The following RPLP0 variants were observed in gnomAD, a reference collection of about 807,000 sequenced individuals.
RPLP0 encodes the protein large ribosomal subunit protein uL10.
For synonymous variants in RPLP0, 137 were observed against 153.4 expected, an observed-to-expected ratio of 0.89 and a Z score of 0.79; for missense variants, 276 against 402.9, an observed-to-expected ratio of 0.69 and a Z score of 2.70.
rs138059335 is a variant in RPLP0 at position 120,196,834 on chromosome 12, A to G, written c.893T>C (p.Val298Ala). 3 of 1,608,664 alleles carry G rather than the reference A, an allele frequency of 1.9e-6. No homozygotes were observed. Among genetic ancestry groups the G allele is most frequent in the East Asian group, 2.2e-5 (1 of 44,708 alleles). Residue 298 changes from valine to alanine, a missense_variant, in exon 8 of 8, where the codon GTT becomes GCT. Physicochemically the swap from Val to Ala is moderately conservative, Grantham distance 64 (BLOSUM62 0). Coordinates refer to ENST00000392514, the MANE Select transcript of RPLP0 (RefSeq NM_001002.4). ...CTCCTCCGACTCTTCCTTGGCTTCA[A>G]CCTTAGCTGGGGCTGCAGCAGCAGC... ...APAAAAAPAK[V>A]EAKEESEESD...
At chr12:120,200,971 C>T in intron 1 of RPLP0, 112 bp downstream of exon 1, 1 of 997,894 alleles carries the variant, frequency 1.0e-6, no homozygotes, top group Non-Finnish European at 1.4e-6. Flanking sequence ...TGCAAGCCGC[C>T]ACCGAGGCCC....
chr12:120,198,770 C>A lies in RPLP0; in HGVS notation c.466-31G>T. The A allele has an allele frequency of 6.2e-7, 1 of 1,610,992 alleles. No homozygotes were observed. Among genetic ancestry groups the A allele is most frequent in the Non-Finnish European group, 8.5e-7 (1 of 1,177,176 alleles). On this transcript the variant is annotated intron_variant, in intron 5 of 7. Coordinates refer to ENST00000392514, the MANE Select transcript of RPLP0 (RefSeq NM_001002.4). This position sits in a 1 kb window ranked among gnomAD's most constrained non-coding sequence, Gnocchi z 4.1. Reference sequence around the variant, plus strand: ...CCAGATAATAGTGGGGCAGTAAACACCTGTTGGACAACCAGCAGATCCATG... The same window carrying A: ...CCAGATAATAGTGGGGCAGTAAACAACTGTTGGACAACCAGCAGATCCATG...
Position 120,201,110 on chromosome 12 carries a change from G to C in RPLP0, c.-76C>G, listed in dbSNP as rs1031556411. On this transcript the variant is annotated 5_prime_UTR_variant, in exon 1 of 8. Transcript: ENST00000392514. ...TCCACGAGGACGCCTGGCGAGAGAA[G>C]GGCCTCGCGCCCGCGCGTGCCTTTT... 4 of 335,006 alleles carry C rather than the reference G, an allele frequency of 1.2e-5. No individual in the cohort carries two copies. The highest frequency in any genetic ancestry group is 6.4e-5 in the African/African-American group (3 of 47,140). The allele number at this position is 335,006 out of a possible 1,614,324, so 20.8% of individuals were successfully genotyped here.
At chr12:120,199,940 T>C (rs1879350375) in intron 2 of RPLP0, 5 of 434,934 alleles carry the variant, frequency 1.1e-5, no homozygotes, top group Non-Finnish European at 2.3e-5. Context: ...GTTTTGTGTC[T>C]GAAAACCTTC....
At position 120,198,199 on chromosome 12, in the gene RPLP0, CCTGG is replaced by C. The variant is rs1353996342; in HGVS notation, c.651+351_651+354del. Among the ~76,000 whole-genome samples, 23 of 152,130 alleles carry C rather than the reference CCTGG, an allele frequency of 1.5e-4. No individual in the cohort carries two copies. On this transcript the variant is annotated intron_variant, in intron 6 of 7. Coordinates refer to ENST00000392514, the MANE Select transcript of RPLP0 (RefSeq NM_001002.4). The surrounding 1 kb of genome is among the most constrained non-coding windows in gnomAD (Gnocchi z 4.1). ...CACGAGGTCAGGAGATCGACACCAT[CCTGG>C]CTAACGCGGTGAAACCTAAAAATAC...
At position 120,199,301 on chromosome 12, in the gene RPLP0, G is replaced by A. The variant is rs1207636006; in HGVS notation, c.230+9C>T. 1.2e-6 allele frequency: 2 copies of A among 1,614,034 alleles called. No individual in the cohort carries two copies. Among genetic ancestry groups the A allele is most frequent in the East Asian group, 2.2e-5 (1 of 44,882 alleles). Reference sequence around the variant, plus strand: ...GGGGAGAAAGGACAAAACTGCCAGGGGAACTGACTTCTCCAGAGCTGGGTT... The same window carrying A: ...GGGGAGAAAGGACAAAACTGCCAGGAGAACTGACTTCTCCAGAGCTGGGTT... On this transcript the variant is annotated intron_variant, in intron 3 of 7. Coordinates refer to ENST00000392514, the MANE Select transcript of RPLP0 (RefSeq NM_001002.4).
At chr12:120,200,062 A>C (rs762856773) in intron 2 of RPLP0, 1 of 456,106 alleles carries the variant, frequency 2.2e-6, no homozygotes, top group South Asian at 1.5e-5. Context: ...GGCCATCCAA[A>C]AGTCATTGGA....
intron 6 of RPLP0, 180 bp from the exon 7 acceptor site, chr12:120,197,642 A>C: frequency 1.5e-6 from 1 of 685,690 alleles, no homozygotes. Context: ...CCATCAAATA[A>C]ATTTTGCCCT....
chr12:120,199,907 G>A (rs1036206173), intron 2 of RPLP0: 1 of 403,344 alleles, frequency 2.5e-6, no homozygotes, highest in Non-Finnish European at 5.0e-6. Context: ...GTGTTTATCC[G>A]GATTGTTACA....
chr12:120,197,134 C>T (rs1334545333), intron 7 of RPLP0, 188 bp downstream of exon 7: 1 of 1,048,010 alleles, frequency 9.5e-7, no homozygotes, highest in African/African-American at 1.6e-5. Context: ...CCCATTAACC[C>T]CCTCTTTGGG....
chr12:120,200,812 A>G lies in RPLP0; in HGVS notation c.-29T>C. The G allele has an allele frequency of 1.2e-6, 2 of 1,606,618 alleles. No individual in the cohort carries two copies. Among genetic ancestry groups the G allele is most frequent in the Non-Finnish European group, 1.7e-6 (2 of 1,177,438 alleles). The stretch of plus-strand genomic sequence containing the variant: ...GGCGGTGCGTCAGGGATTGCCACGC[A>G]GGGTTTAAAGACGATGTCACTGAGG... On this transcript the variant is annotated 5_prime_UTR_variant, in exon 2 of 8. Transcript: ENST00000392514.
rs780771973 is a variant in RPLP0, at chr12:120,197,451, A to G, written c.663T>C (p.Asn221=). The G allele has an allele frequency of 3.0e-5, 49 of 1,613,862 alleles. No homozygotes were observed. Among genetic ancestry groups the G allele is most frequent in the Non-Finnish European group, 3.8e-5 (45 of 1,179,864 alleles). ...LHSRFLEGVR[N]VASVCLQIGY... ...CAATCTGCAGACAGACACTGGCAAC[A>G]TTGCGGACACCCTGGGGGAGGGAAG... The change falls in exon 7 of 8, where the codon AAT becomes AAC. Residue 221 remains asparagine (N), a synonymous_variant. Coordinates refer to ENST00000392514, the MANE Select transcript of RPLP0 (RefSeq NM_001002.4).
At chr12:120,200,041 C>A (rs1335645756) in intron 2 of RPLP0, 2 of 455,942 alleles carry the variant, frequency 4.4e-6, no homozygotes, top group African/African-American at 4.0e-5. Flanking sequence ...GCAAGGGAGA[C>A]CCACCTCAAA....
At position 120,198,332 on chromosome 12, in the gene RPLP0, C is replaced by T. The variant is rs908390511; in HGVS notation, c.651+222G>A. The T allele has an allele frequency of 3.7e-5, 19 of 518,600 alleles. No individual in the cohort carries two copies. Among genetic ancestry groups the T allele is most frequent in the South Asian group, 1.3e-4 (6 of 46,984 alleles). 32.1% of individuals were successfully genotyped at this position (518,600 alleles called of 1,614,324 possible). ...CCCGGAGGCGGAGCTTGCAGTGAGCCGGGAGATTGTGCCACTGCACTCCAG... is the reference window on the plus strand; with the variant it reads ...CCCGGAGGCGGAGCTTGCAGTGAGCTGGGAGATTGTGCCACTGCACTCCAG... On this transcript the variant is annotated intron_variant, in intron 6 of 7. Coordinates refer to ENST00000392514, the MANE Select transcript of RPLP0 (RefSeq NM_001002.4). This position sits in a 1 kb window ranked among gnomAD's most constrained non-coding sequence, Gnocchi z 4.1.
chr12:120,200,947 G>A lies in RPLP0; in HGVS notation c.-48-116C>T, dbSNP rs1462706862. The A allele has an allele frequency of 2.3e-6, 3 of 1,286,034 alleles. No homozygotes were observed. In the Admixed American group the frequency reaches 8.8e-5, roughly 38 times the overall value. 79.7% of individuals were successfully genotyped at this position (1,286,034 alleles called of 1,614,324 possible). A position where few individuals can be genotyped will look rare whatever the true frequency, so the allele number is the denominator to read the frequency against. ...GCCGGCCCTGCCTAGGGCAGCGGCC[G>A]TCATCTCGGGGCGTGCAAGCCGCCA... On this transcript the variant is annotated intron_variant, in intron 1 of 7. Transcript: ENST00000392514.
intron 2 of RPLP0, 88 bp downstream of exon 2, chr12:120,200,642 G>A: frequency 7.0e-7 from 1 of 1,422,896 alleles, no homozygotes; most frequent in South Asian, 1.3e-5. Flanking sequence ...AGTAGCCGGT[G>A]TGAGTAGACC....
intron 7 of RPLP0, 95 bp from the exon 8 acceptor site, chr12:120,197,029 C>T (rs1879209414): frequency 5.1e-6 from 8 of 1,575,554 alleles, no homozygotes; most frequent in Non-Finnish European, 6.9e-6. Context: ...CCAACAATAT[C>T]AAAGTCCGTG....
intron 2 of RPLP0, 83 bp from the exon 3 acceptor site, chr12:120,199,568 G>A: frequency 7.1e-7 from 1 of 1,400,022 alleles, no homozygotes; most frequent in South Asian, 1.3e-5. Context: ...CCCACAATTT[G>A]TTTCCATCCC....
intron 6 of RPLP0, chr12:120,197,823 T>C: frequency 4.3e-6 from 1 of 232,684 alleles, no homozygotes; most frequent in East Asian, 9.2e-5. Context: ...TTTCAACAAA[T>C]GAAGCTACCT....
Sources: allele counts gnomAD v4.1 joint callset (sites outside exome capture counted in the v4.1 genomes callset), GRCh38; gene constraint gnomAD v4.1.1; non-coding constraint Gnocchi (gnomAD v3.1); transcripts MANE v1.5; gene names NCBI Gene and HGNC (gene_info 2026-07-23, HGNC 2026-07-21).